The following GAS2L3 variants were observed in gnomAD, a reference collection of about 807,000 sequenced individuals.
GAS2L3 encodes the protein GAS2-like protein 3.
Under a neutral mutation model 37.0 loss-of-function variants are expected in GAS2L3, and 28 were observed. That is an observed-to-expected ratio of 0.76 (90% confidence interval 0.56 to 1.04). GAS2L3 has a LOEUF of 1.04. Ranked by LOEUF, GAS2L3 falls within the 50% of genes least tolerant of loss-of-function variation. The pLI is 0.00. For missense variants in GAS2L3, 793 were observed against 817.6 expected, an observed-to-expected ratio of 0.97 and a Z score of 0.37; for synonymous variants, 290 against 296.6, an observed-to-expected ratio of 0.98 and a Z score of 0.23.
rs1234218638 is a variant in GAS2L3, at chr12:100,617,811, T to C, written c.509+4T>C. The C allele has an allele frequency of 1.3e-6, 2 of 1,535,862 alleles. No homozygotes were observed. The highest frequency in any genetic ancestry group is 9.0e-7 in the Non-Finnish European group (1 of 1,110,856). On this transcript the variant is annotated splice_donor_region_variant and intron_variant, in intron 7 of 9. Coordinates refer to ENST00000547754, the MANE Select transcript of GAS2L3 (RefSeq NM_174942.3). Reference sequence around the variant, plus strand: ...AAATTGGTCGAATTGTGTCAAGGTATGTATTCCACAATATTTCAGAATTTC... The same window carrying C: ...AAATTGGTCGAATTGTGTCAAGGTACGTATTCCACAATATTTCAGAATTTC...
rs372163573 is a variant in GAS2L3, at chr12:100,610,257, A to T, written c.304-1743A>T. Among the ~76,000 whole-genome samples the T allele has an allele frequency of 9.2e-5, 14 of 152,368 alleles. No homozygotes were observed. In the South Asian group the frequency reaches 2.9e-3, roughly 32 times the overall value. ...GTTTATCAACAGAGAAATTGTTAAA[A>T]ATTAATTATGGTAACCAGACACGTT... On this transcript the variant is annotated intron_variant, in intron 5 of 9. Transcript: ENST00000547754.
In GAS2L3 at chr12:100,624,945, A is replaced by C; in HGVS notation, c.*55A>C. The C allele has an allele frequency of 7.5e-7, 1 of 1,336,288 alleles. No homozygotes were observed. Among genetic ancestry groups the C allele is most frequent in the East Asian group, 2.3e-5 (1 of 43,516 alleles). 82.8% of individuals were successfully genotyped at this position (1,336,288 alleles called of 1,614,324 possible). ...GGAAGAATGAATGTGTTAGCTTCAC[A>C]TCTTAAAAGTTTCTCCTATTTGTGT... On this transcript the variant is annotated 3_prime_UTR_variant, in exon 10 of 10. Transcript: ENST00000547754.
intron 6 of GAS2L3, among the ~76,000 whole-genome samples, chr12:100,613,332 C>T (rs1204322925): frequency 6.6e-6 from 1 of 152,182 alleles, no homozygotes; most frequent in Non-Finnish European, 1.5e-5. Flanking sequence ...AATGTTTTTA[C>T]TCTCCAGAGG....
chr12:100,625,521 A>T lies in GAS2L3; in HGVS notation c.*631A>T, dbSNP rs757085170. ...ATTGTTTCATGTGGCTTATATTTAC[A>T]TTGGTAATATTTTGTCACCAATATT... On this transcript the variant is annotated 3_prime_UTR_variant, in exon 10 of 10. Coordinates refer to ENST00000547754, the MANE Select transcript of GAS2L3 (RefSeq NM_174942.3). 6.6e-6 allele frequency: 1 copy of T among 152,160 alleles called. No individual in the cohort carries two copies. The highest frequency in any genetic ancestry group is 1.5e-5 in the Non-Finnish European group (1 of 68,026). The allele number at this position is 152,160 out of a possible 1,614,324, so 9.4% of individuals were successfully genotyped here.
chr12:100,573,744 C>T lies in GAS2L3; in HGVS notation c.-193C>T, dbSNP rs1371820200. ...CGTGTTGGCCCCGCACAGATTGAGC[C>T]GAGTTGTCGCCCCGCTGGGAGAAGT... is the stretch of plus-strand genomic sequence containing the variant. On this transcript the variant is annotated 5_prime_UTR_variant, in exon 1 of 10. Transcript: ENST00000547754. The T allele has an allele frequency of 6.5e-6, 1 of 153,872 alleles. No homozygotes were observed. The highest frequency in any genetic ancestry group is 2.4e-5 in the African/African-American group (1 of 41,464). The allele number at this position is 153,872 out of a possible 1,614,324, so 9.5% of individuals were successfully genotyped here. A position where few individuals can be genotyped will look rare whatever the true frequency, so the allele number is the denominator to read the frequency against.
chr12:100,612,738 T>TAC (rs369041278), intron 6 of GAS2L3, among the ~76,000 whole-genome samples: 2 of 152,120 alleles, frequency 1.3e-5, no homozygotes, highest in East Asian at 1.9e-4. Context: ...TATGTGTACA[T>TAC]ACACACACAC....
chr12:100,589,359 C>G (rs904570725), intron 1 of GAS2L3, among the ~76,000 whole-genome samples: 13 of 151,682 alleles, frequency 8.6e-5, no homozygotes, highest in African/African-American at 3.2e-4. Context: ...AATGAATATA[C>G]CTAACCAAGG....
At chr12:100,590,199 C>T (rs764841756) in intron 1 of GAS2L3, among the ~76,000 whole-genome samples, 8 of 152,024 alleles carry the variant, frequency 5.3e-5, no homozygotes, top group Non-Finnish European at 1.2e-4. Flanking sequence ...GAATCTACAA[C>T]AAACTCAGAC....
At chr12:100,576,795 G>C (rs991871097) in intron 1 of GAS2L3, among the ~76,000 whole-genome samples, 1 of 152,140 alleles carries the variant, frequency 6.6e-6, no homozygotes, top group Non-Finnish European at 1.5e-5. Flanking sequence ...TTTCATAAGG[G>C]TGTTACAAAT....
intron 1 of GAS2L3, among the ~76,000 whole-genome samples, chr12:100,576,777 A>G (rs11110424): frequency 0.074 from 11,275 of 152,236 alleles, 571 homozygotes; most frequent in South Asian, 0.18. Context: ...ACAGAAAGCC[A>G]CCATGTATTT....
intron 7 of GAS2L3, 108 bp downstream of exon 7, chr12:100,617,915 A>G (rs980934440): frequency 1.5e-6 from 1 of 651,164 alleles, no homozygotes; most frequent in Non-Finnish European, 2.7e-6. Flanking sequence ...CTTTAAATGA[A>G]CTATTTTCCT....
Position 100,628,096 on chromosome 12 carries a change from T to G in GAS2L3, c.*3206T>G, listed in dbSNP as rs1351650860. 1 of 152,204 alleles carries G rather than the reference T, an allele frequency of 6.6e-6. No homozygotes were observed. The highest frequency in any genetic ancestry group is 1.5e-5 in the Non-Finnish European group (1 of 68,030). 9.4% of individuals were successfully genotyped at this position (152,204 alleles called of 1,614,324 possible). ...ACTGTTTTTCTTCAGTCTTTTTATA[T>G]CTATCTGATTTAAAATCTGTTACTT... On this transcript the variant is annotated 3_prime_UTR_variant, in exon 10 of 10. Coordinates refer to ENST00000547754, the MANE Select transcript of GAS2L3 (RefSeq NM_174942.3).
chr12:100,580,727 C>T (rs1955700517), intron 1 of GAS2L3, among the ~76,000 whole-genome samples: 3 of 152,178 alleles, frequency 2.0e-5, no homozygotes, highest in African/African-American at 7.2e-5. Flanking sequence ...ATAAAATTAA[C>T]AGGTTCCTTG....
chr12:100,626,720 T>A lies in GAS2L3; in HGVS notation c.*1830T>A, dbSNP rs921849107. 1 of 152,204 alleles carries A rather than the reference T, an allele frequency of 6.6e-6. No homozygotes were observed. Among genetic ancestry groups the A allele is most frequent in the Non-Finnish European group, 1.5e-5 (1 of 68,030 alleles). 9.4% of individuals were successfully genotyped at this position (152,204 alleles called of 1,614,324 possible). ...ATTTTACAATATGTAATTTATGTTG[T>A]TTACAGTATATAAACACTAAGTTTT... On this transcript the variant is annotated 3_prime_UTR_variant, in exon 10 of 10. Coordinates refer to ENST00000547754, the MANE Select transcript of GAS2L3 (RefSeq NM_174942.3).
At chr12:100,622,956 T>G (rs1050913764) in intron 9 of GAS2L3, among the ~76,000 whole-genome samples, 8 of 152,016 alleles carry the variant, frequency 5.3e-5, no homozygotes, top group African/African-American at 1.9e-4. Flanking sequence ...GTAAGGAGAT[T>G]GAAATTTCAC....
At chr12:100,600,583 A>G (rs189499732) in intron 4 of GAS2L3, 33 bp downstream of exon 4, 527 of 1,515,972 alleles carry the variant, frequency 3.5e-4, no homozygotes, top group Non-Finnish European at 4.4e-4. Flanking sequence ...AAATTGTATT[A>G]TCTTATTCAA....
chr12:100,617,857 T>C (rs1292374751), intron 7 of GAS2L3, 50 bp downstream of exon 7: 1 of 1,082,768 alleles, frequency 9.2e-7, no homozygotes, highest in East Asian at 2.4e-5. Flanking sequence ...ACATTTTAAA[T>C]CTACTGAATT....
At position 100,603,563 on chromosome 12, in the gene GAS2L3, A is replaced by G. The variant is rs114848749; in HGVS notation, c.303+1810A>G. On this transcript the variant is annotated intron_variant, in intron 5 of 9. Coordinates refer to ENST00000547754, the MANE Select transcript of GAS2L3 (RefSeq NM_174942.3). ...ATCCTTTGTCAGATGGATTGTTTGC[A>G]AATATTTTCTCCCATTCTTTGGGTT... is the stretch of plus-strand genomic sequence containing the variant. 4.6e-3 allele frequency among the ~76,000 whole-genome samples: 697 copies of G among 152,172 alleles called. 12 individuals are homozygous for G. Among genetic ancestry groups the G allele is most frequent in the African/African-American group, 0.016 (660 of 41,540 alleles).
At chr12:100,604,611 G>C (rs1469639924) in intron 5 of GAS2L3, among the ~76,000 whole-genome samples, 1 of 151,196 alleles carries the variant, frequency 6.6e-6, no homozygotes, top group Non-Finnish European at 1.5e-5. Flanking sequence ...AATTACTCTA[G>C]CTAGGACTTC....
Sources: allele counts gnomAD v4.1 joint callset (sites outside exome capture counted in the v4.1 genomes callset), GRCh38; gene constraint gnomAD v4.1.1; transcripts MANE v1.5; gene names NCBI Gene and HGNC (gene_info 2026-07-23, HGNC 2026-07-21).